PDE1A: variants seen among roughly 807,000 people sequenced by gnomAD.
PDE1A encodes the protein phosphodiesterase 1A.
Under a neutral mutation model 61.7 loss-of-function variants are expected in PDE1A, and 35 were observed. That is an observed-to-expected ratio of 0.57 (90% confidence interval 0.43 to 0.75). The LOEUF is 0.75. Among genes scored for constraint, PDE1A ranks in the 30% least tolerant of loss-of-function variants. PDE1A has a pLI of 0.00. For synonymous variants in PDE1A, 232 were observed against 213.2 expected (o/e 1.09, Z -0.77); for missense variants, 597 against 630.6 (o/e 0.95, Z 0.57).
intron 13 of PDE1A, among the ~76,000 whole-genome samples, chr2:182,172,247 G>C (rs1219828633): frequency 6.6e-6 from 1 of 151,942 alleles, no homozygotes; most frequent in Non-Finnish European, 1.5e-5. Flanking sequence ...AATCAACACT[G>C]ACAGAGCTCT....
the PDE1A span, among the ~76,000 whole-genome samples, chr2:182,711,402 T>G: frequency 6.6e-6 from 1 of 152,138 alleles, no homozygotes; most frequent in African/African-American, 2.4e-5. Context: ...ACCTGTGATA[T>G]TACATTGCAA....
chr2:182,223,103 G>T (rs1026130551), intron 7 of PDE1A, among the ~76,000 whole-genome samples: 1 of 151,950 alleles, frequency 6.6e-6, no homozygotes, highest in African/African-American at 2.4e-5. Context: ...GCCCAAGTCC[G>T]TTATGACTGG....
chr2:182,501,831 C>T (rs1574812181), intron 2 of PDE1A, among the ~76,000 whole-genome samples: 2 of 152,170 alleles, frequency 1.3e-5, no homozygotes, highest in East Asian at 3.9e-4. Context: ...ACACCCTGTC[C>T]TTTAAAGAGG....
At chr2:182,149,525 T>A (rs1690667245) in intron 13 of PDE1A, among the ~76,000 whole-genome samples, 2 of 151,978 alleles carry the variant, frequency 1.3e-5, no homozygotes, top group East Asian at 3.9e-4. Flanking sequence ...TTTTCAGGAG[T>A]AGACACGCAA....
intron 1 of PDE1A, among the ~76,000 whole-genome samples, chr2:182,333,271 A>G (rs1023525961): frequency 3.3e-5 from 5 of 152,282 alleles, no homozygotes; most frequent in Admixed American, 2.0e-4. Flanking sequence ...AATCAACAGA[A>G]TATACATTCT....
chr2:182,424,031 G>A (rs528158081), intron 1 of PDE1A, among the ~76,000 whole-genome samples: 23 of 144,052 alleles, frequency 1.6e-4, no homozygotes, highest in African/African-American at 3.4e-4. Flanking sequence ...TGCGACCTCC[G>A]CCTCCAGAGC....
At chr2:182,533,579 G>C in the PDE1A span, among the ~76,000 whole-genome samples, 2 of 152,040 alleles carry the variant, frequency 1.3e-5, no homozygotes, top group Non-Finnish European at 2.9e-5. Context: ...GAAAAATCAA[G>C]ATATAGAGAC....
At chr2:182,185,858 A>C (rs763923374) in intron 13 of PDE1A, 34 bp downstream of exon 13, 2 of 1,612,634 alleles carry the variant, frequency 1.2e-6, no homozygotes, top group South Asian at 2.2e-5. Context: ...GAAGACAGAG[A>C]GAGATGGCAG....
the PDE1A span, among the ~76,000 whole-genome samples, chr2:182,591,945 G>A: frequency 6.6e-6 from 1 of 152,214 alleles, no homozygotes; most frequent in Non-Finnish European, 1.5e-5. Context: ...CAGAAAGCAA[G>A]ATATGAGAGT....
At chr2:182,259,331 T>C (rs923782561) in intron 2 of PDE1A, among the ~76,000 whole-genome samples, 1 of 152,222 alleles carries the variant, frequency 6.6e-6, no homozygotes, top group African/African-American at 2.4e-5. Context: ...GTTTTCATTT[T>C]CTCAGGATTA....
At chr2:182,485,799 C>A (rs1008343300) in intron 2 of PDE1A, among the ~76,000 whole-genome samples, 2 of 151,968 alleles carry the variant, frequency 1.3e-5, no homozygotes, top group Non-Finnish European at 2.9e-5. Context: ...AATACATATT[C>A]ATGATTTTAA....
chr2:182,414,885 T>A (rs969409398), intron 1 of PDE1A, among the ~76,000 whole-genome samples: 3 of 152,128 alleles, frequency 2.0e-5, no homozygotes, highest in Non-Finnish European at 4.4e-5. Flanking sequence ...AAATTCTACA[T>A]CAATTTGTCT....
chr2:182,231,166 T>C (rs1352308253), intron 4 of PDE1A, 35 bp from the exon 5 acceptor site: 1 of 1,013,624 alleles, frequency 9.9e-7, no homozygotes, highest in African/African-American at 1.6e-5. Context: ...TAGGTGCCAA[T>C]ATCATACTGT....
At position 182,213,092 on chromosome 2, in the gene PDE1A, CA is replaced by C. The variant is rs1455951165; in HGVS notation, c.777-7028del. Among the ~76,000 whole-genome samples, 23 of 150,750 alleles carry C rather than the reference CA, an allele frequency of 1.5e-4. 1 individual carries two copies. Among genetic ancestry groups the C allele is most frequent in the Non-Finnish European group, 2.7e-4 (18 of 67,630 alleles). On this transcript the variant is annotated intron_variant, in intron 7 of 13. Transcript: ENST00000351439. ...TCTGAGAACGGGCAGACTGCCTCCTCAAGTGGGTCCCTGACCCCTGACCCCC... is the reference window on the plus strand; with the variant it reads ...TCTGAGAACGGGCAGACTGCCTCCTCAGTGGGTCCCTGACCCCTGACCCCC...
At chr2:182,647,128 C>T in the PDE1A span, among the ~76,000 whole-genome samples, 3 of 152,166 alleles carry the variant, frequency 2.0e-5, no homozygotes, top group Admixed American at 2.0e-4. Context: ...ATTTTTAAGG[C>T]TGTCCAGCTG....
chr2:182,169,549 A>T (rs562618048), intron 13 of PDE1A, among the ~76,000 whole-genome samples: 2 of 152,148 alleles, frequency 1.3e-5, no homozygotes, highest in South Asian at 4.1e-4. Flanking sequence ...CTGTTAAACA[A>T]ATGGGAGGGA....
At chr2:182,149,420 A>T (rs895744533) in intron 13 of PDE1A, among the ~76,000 whole-genome samples, 13 of 152,224 alleles carry the variant, frequency 8.5e-5, no homozygotes, top group Non-Finnish European at 1.2e-4. Context: ...AATTCTGTAC[A>T]TGTGATTAGC....
At chr2:182,627,142 A>AT in the PDE1A span, among the ~76,000 whole-genome samples, 6 of 28,640 alleles carry the variant, frequency 2.1e-4, no homozygotes, top group Admixed American at 8.8e-4. Flanking sequence ...ATAAAATATA[A>AT]ATATTATTTA....
the PDE1A span, among the ~76,000 whole-genome samples, chr2:182,574,572 A>G: frequency 6.6e-6 from 1 of 152,244 alleles, no homozygotes; most frequent in Non-Finnish European, 1.5e-5. Flanking sequence ...GAAGTTGATA[A>G]ATCTTATGTC....
Sources: allele counts gnomAD v4.1 joint callset (sites outside exome capture counted in the v4.1 genomes callset), GRCh38; gene constraint gnomAD v4.1.1; transcripts MANE v1.5; gene names NCBI Gene and HGNC (gene_info 2026-07-23, HGNC 2026-07-21).